Variants in TNRC18 observed in about 807,000 individuals in gnomAD.
The protein encoded by TNRC18 is trinucleotide repeat-containing gene 18 protein.
Under a neutral mutation model 226.7 loss-of-function variants are expected in TNRC18, and 69 were observed. That is an observed-to-expected ratio of 0.30 (90% CI 0.25 to 0.37). The LOEUF is 0.37. TNRC18 is among the 10% of genes least tolerant of loss of function. The pLI is 1.00. For missense variants in TNRC18, 4,754 were observed against 4,256.6 expected, an observed-to-expected ratio of 1.12 and a Z score of -3.25; for synonymous variants, 2,449 against 1,927.6, an observed-to-expected ratio of 1.27 and a Z score of -7.09.
chr7:5,347,501 G>A (rs919983066), intron 17 of TNRC18, among the ~76,000 whole-genome samples: 18 of 143,014 alleles, frequency 1.3e-4, no homozygotes, highest in Non-Finnish European at 1.2e-4. Flanking sequence ...CAGCCCCCCC[G>A]CAAAAATTTT....
chr7:5,412,600 AAAAT>A (rs1781917443), intron 2 of TNRC18, among the ~76,000 whole-genome samples: 1 of 152,116 alleles, frequency 6.6e-6, no homozygotes, highest in South Asian at 2.1e-4. Context: ...AAATAAAATA[AAAAT>A]AAAAAAATAA....
At chr7:5,411,754 C>A (rs142148955) in intron 2 of TNRC18, among the ~76,000 whole-genome samples, 1 of 152,112 alleles carries the variant, frequency 6.6e-6, no homozygotes, top group African/African-American at 2.4e-5. Flanking sequence ...GTCTGAAGAA[C>A]AATGGCTCTC....
intron 19 of TNRC18, among the ~76,000 whole-genome samples, chr7:5,330,404 T>C (rs1480949020): frequency 2.0e-5 from 3 of 148,358 alleles, no homozygotes; most frequent in South Asian, 4.3e-4. Flanking sequence ...AGCTAATTGT[T>C]TTTTTGTTGT....
rs1395978594 is a variant in TNRC18, at chr7:5,394,246, A to T, written c.343+194T>A. 6.6e-6 allele frequency among the ~76,000 whole-genome samples: 1 copy of T among 152,114 alleles called. No individual in the cohort carries two copies. The highest frequency in any genetic ancestry group is 1.5e-5 in the Non-Finnish European group (1 of 68,016). On this transcript the variant is annotated intron_variant, in intron 3 of 29. Transcript: ENST00000430969. This position sits in a 1 kb window ranked among gnomAD's most constrained non-coding sequence, Gnocchi z 4.5. ...TGGGGTGTCAGGCTGAAAGGAGAGG[A>T]AACAGCTCATACAAATGCCCTGTGA... is the stretch of plus-strand genomic sequence containing the variant.
intron 2 of TNRC18, among the ~76,000 whole-genome samples, chr7:5,416,508 C>T (rs1782197891): frequency 6.6e-6 from 1 of 152,214 alleles, no homozygotes; most frequent in African/African-American, 2.4e-5. Flanking sequence ...ATCTCTTGAG[C>T]CCAGGAGTTT....
chr7:5,379,266 G>A (rs1486430301), intron 5 of TNRC18, among the ~76,000 whole-genome samples: 4 of 151,856 alleles, frequency 2.6e-5, no homozygotes, highest in African/African-American at 7.3e-5. Context: ...GGCATGCACC[G>A]GTAGTCCCAG....
chr7:5,311,261 AGAC>A (rs1198328527), intron 27 of TNRC18, among the ~76,000 whole-genome samples: 13 of 152,244 alleles, frequency 8.5e-5, no homozygotes, highest in Admixed American at 8.5e-4. Context: ...GCGTGTGTGT[AGAC>A]AGCCACAGGC....
intron 2 of TNRC18, among the ~76,000 whole-genome samples, chr7:5,417,476 A>AAAAC (rs1051592732): frequency 1.3e-5 from 2 of 152,198 alleles, no homozygotes; most frequent in Non-Finnish European, 2.9e-5. Flanking sequence ...TCTCAAAAAC[A>AAAAC]AAACAAACAA....
At chr7:5,314,811 G>T (rs949830438) in intron 26 of TNRC18, among the ~76,000 whole-genome samples, 173 bp downstream of exon 26, 1 of 152,072 alleles carries the variant, frequency 6.6e-6, no homozygotes, top group Non-Finnish European at 1.5e-5. Flanking sequence ...GACATCAGCC[G>T]ATCTGCTCGC....
chr7:5,421,046 C>T lies in TNRC18; in HGVS notation c.187+14G>A. 6.5e-7 allele frequency: 1 copy of T among 1,527,128 alleles called. No homozygotes were observed. Among genetic ancestry groups the T allele is most frequent in the Non-Finnish European group, 8.9e-7 (1 of 1,128,598 alleles). 94.6% of individuals were successfully genotyped at this position (1,527,128 alleles called of 1,614,324 possible). A position where few individuals can be genotyped will look rare whatever the true frequency, so the allele number is the denominator to read the frequency against. On this transcript the variant is annotated intron_variant, in intron 2 of 29. Coordinates refer to ENST00000430969, the MANE Select transcript of TNRC18 (RefSeq NM_001080495.3). ...GGAAGACAGGAGGGGACGGGCACGG[C>T]GCGGGGCACTTACCCGGGTGCGGAT...
intron 27 of TNRC18, among the ~76,000 whole-genome samples, chr7:5,310,359 A>G (rs1787049007): frequency 6.6e-6 from 1 of 152,078 alleles, no homozygotes; most frequent in Non-Finnish European, 1.5e-5. Flanking sequence ...CCTCCCAAGT[A>G]GATGGGATTA....
intron 4 of TNRC18, chr7:5,389,612 G>A (rs527581575): frequency 1.6e-5 from 4 of 250,134 alleles, no homozygotes; most frequent in Admixed American, 5.6e-5. Flanking sequence ...ACCCCACCAC[G>A]CACGGCTAAT....
chr7:5,416,006 C>T (rs927836302), intron 2 of TNRC18, among the ~76,000 whole-genome samples: 8 of 150,278 alleles, frequency 5.3e-5, no homozygotes, highest in African/African-American at 1.7e-4. Flanking sequence ...CCCAGCTACT[C>T]GGGGAGGCTG....
chr7:5,333,932 C>CGA (rs1789820263), intron 18 of TNRC18, among the ~76,000 whole-genome samples: 1 of 152,178 alleles, frequency 6.6e-6, no homozygotes, highest in Non-Finnish European at 1.5e-5. Flanking sequence ...GAAGCAGATC[C>CGA]GAGTTCTCTG....
At chr7:5,393,617 A>G (rs66460815) in intron 3 of TNRC18, among the ~76,000 whole-genome samples, 53,340 of 151,940 alleles carry the variant, frequency 0.35, 11,026 homozygotes, top group Non-Finnish European at 0.46. Flanking sequence ...TGGGAGGAGG[A>G]AGGAGGAAGG....
chr7:5,396,211 G>A (rs1162083825), intron 2 of TNRC18, among the ~76,000 whole-genome samples: 1 of 151,314 alleles, frequency 6.6e-6, no homozygotes, highest in Non-Finnish European at 1.5e-5. Context: ...AGCTGGGCGT[G>A]GTGGCAGGCA....
At chr7:5,362,859 G>C in intron 11 of TNRC18, 34 bp from the exon 12 acceptor site, 1 of 1,468,126 alleles carries the variant, frequency 6.8e-7, no homozygotes, top group Non-Finnish European at 9.0e-7. Context: ...GGGCGCTGCT[G>C]CCACCCCTTC....
intron 19 of TNRC18, among the ~76,000 whole-genome samples, chr7:5,327,381 G>C (rs764800391): frequency 1.0e-5 from 1 of 98,464 alleles, no homozygotes; most frequent in East Asian, 4.0e-4. Flanking sequence ...GCGTGTGTGT[G>C]TGTGTGTGTG....
rs551220928 is a variant in TNRC18 at position 5,362,941 on chromosome 7, G to A, written c.4220-116C>T. The A allele has an allele frequency of 2.7e-6, 3 of 1,092,816 alleles. No individual in the cohort carries two copies. The South Asian group carries it at 5.2e-5, about 19-fold the overall frequency. 67.7% of individuals were successfully genotyped at this position (1,092,816 alleles called of 1,614,324 possible). ...CAGGCCACACGTGCCCATCCCCCAA[G>A]GTGCTGAGTAGACAGAGGCCTTTGT... On this transcript the variant is annotated intron_variant, in intron 11 of 29. Coordinates refer to ENST00000430969, the MANE Select transcript of TNRC18 (RefSeq NM_001080495.3).
Sources: allele counts gnomAD v4.1 joint callset (sites outside exome capture counted in the v4.1 genomes callset), GRCh38; gene constraint gnomAD v4.1.1; non-coding constraint Gnocchi (gnomAD v3.1); transcripts MANE v1.5; gene names NCBI Gene and HGNC (gene_info 2026-07-23, HGNC 2026-07-21).